The following TNFAIP8 variants were observed in gnomAD, a reference collection of about 807,000 sequenced individuals.
TNFAIP8 encodes tumor necrosis factor alpha-induced protein 8.
TNFAIP8 carries 7 observed loss-of-function variants against 13.3 expected under a neutral mutation model. The observed-to-expected ratio is 0.52, with a 90% confidence interval of 0.30 to 0.99. The LOEUF is 0.99. Among genes scored for constraint, TNFAIP8 ranks in the 50% least tolerant of loss-of-function variants. The pLI, the probability that TNFAIP8 is intolerant of heterozygous loss-of-function variation, is 0.07. For synonymous variants in TNFAIP8, 94 were observed against 87.6 expected (o/e 1.07, Z -0.41); for missense variants, 258 against 236.9 (o/e 1.09, Z -0.58).
chr5:119,315,052 T>TG (rs1749845603), intron 1 of TNFAIP8, among the ~76,000 whole-genome samples: 1 of 151,736 alleles, frequency 6.6e-6, no homozygotes, highest in East Asian at 1.9e-4. Context: ...CGGCTAATTT[T>TG]TGTGTGTGTG....
At chr5:119,280,245 C>T (rs1748586365) in intron 1 of TNFAIP8, among the ~76,000 whole-genome samples, 1 of 151,752 alleles carries the variant, frequency 6.6e-6, no homozygotes, top group Non-Finnish European at 1.5e-5. Context: ...GCCATCCTGA[C>T]TTTATAGTAA....
intron 1 of TNFAIP8, among the ~76,000 whole-genome samples, chr5:119,356,777 AG>A (rs145187248): frequency 0.16 from 24,629 of 152,020 alleles, 2,605 homozygotes; most frequent in Non-Finnish European, 0.22. Flanking sequence ...AACAGGTGAC[AG>A]GGCTGGAAAA....
At chr5:119,334,596 A>G (rs897999055) in intron 1 of TNFAIP8, among the ~76,000 whole-genome samples, 1 of 149,374 alleles carries the variant, frequency 6.7e-6, no homozygotes, top group Non-Finnish European at 1.5e-5. Context: ...CGTCTACTAG[A>G]TGCCTAGAGC....
At chr5:119,315,738 T>C (rs1420465032) in intron 1 of TNFAIP8, among the ~76,000 whole-genome samples, 1 of 152,198 alleles carries the variant, frequency 6.6e-6, no homozygotes, top group Non-Finnish European at 1.5e-5. Flanking sequence ...CAAGCTTTGC[T>C]GTCAGCTCCT....
At chr5:119,364,921 G>C (rs1219552788) in intron 1 of TNFAIP8, among the ~76,000 whole-genome samples, 5 of 134,262 alleles carry the variant, frequency 3.7e-5, no homozygotes, top group African/African-American at 1.4e-4. Context: ...GCGCCATCTT[G>C]GCTCACTGCA....
chr5:119,389,932 C>G (rs1281934593), intron 1 of TNFAIP8, among the ~76,000 whole-genome samples: 1 of 152,194 alleles, frequency 6.6e-6, no homozygotes, highest in Non-Finnish European at 1.5e-5. Context: ...GTAGATTTGC[C>G]TGTTACACAC....
chr5:119,288,521 A>G (rs1561984137), intron 1 of TNFAIP8, among the ~76,000 whole-genome samples: 1 of 152,254 alleles, frequency 6.6e-6, no homozygotes, highest in Non-Finnish European at 1.5e-5. Context: ...AATTAAATAC[A>G]CATCTTTAAG....
At chr5:119,387,878 A>G (rs1361275947) in intron 1 of TNFAIP8, among the ~76,000 whole-genome samples, 4 of 151,604 alleles carry the variant, frequency 2.6e-5, no homozygotes, top group African/African-American at 9.7e-5. Context: ...AATGCTTTGT[A>G]TTTTTTTTTA....
intron 1 of TNFAIP8, among the ~76,000 whole-genome samples, chr5:119,372,922 C>G (rs1261889043): frequency 1.3e-5 from 2 of 152,146 alleles, no homozygotes; most frequent in African/African-American, 2.4e-5. Context: ...GATGGCGCCA[C>G]TTCACTCCAG....
chr5:119,352,442 T>C (rs907056774), upstream of TNFAIP8, among the ~76,000 whole-genome samples: 2 of 152,216 alleles, frequency 1.3e-5, no homozygotes, highest in African/African-American at 2.4e-5. Context: ...ATGACCATTT[T>C]TGGTGACCTG....
intron 1 of TNFAIP8, among the ~76,000 whole-genome samples, chr5:119,367,585 G>C (rs896390371): frequency 2.0e-5 from 3 of 152,118 alleles, no homozygotes; most frequent in African/African-American, 7.2e-5. Context: ...CAGTTAGCCA[G>C]ATTTTTAAAA....
At chr5:119,322,853 C>CT (rs1171188529) in intron 1 of TNFAIP8, among the ~76,000 whole-genome samples, 1 of 152,208 alleles carries the variant, frequency 6.6e-6, no homozygotes, top group Non-Finnish European at 1.5e-5. Context: ...AAGCTCTTGT[C>CT]TAAGTTCTAG....
At chr5:119,291,003 C>T (rs1748968357) in intron 1 of TNFAIP8, among the ~76,000 whole-genome samples, 1 of 152,130 alleles carries the variant, frequency 6.6e-6, no homozygotes, top group African/African-American at 2.4e-5. Context: ...GGTTTTTGAG[C>T]AGGCAACTGA....
chr5:119,294,404 C>T (rs1269769152), intron 1 of TNFAIP8, among the ~76,000 whole-genome samples: 1 of 152,140 alleles, frequency 6.6e-6, no homozygotes, highest in African/African-American at 2.4e-5. Flanking sequence ...GCATAGTATT[C>T]CCTGGTGTAT....
intron 1 of TNFAIP8, among the ~76,000 whole-genome samples, chr5:119,391,688 G>A (rs998590292): frequency 6.6e-6 from 1 of 151,608 alleles, no homozygotes; most frequent in Admixed American, 6.6e-5. Flanking sequence ...GAACCCGGGA[G>A]GTGGAGGTTG....
At chr5:119,334,139 C>CAAA (rs57346323) in intron 1 of TNFAIP8, among the ~76,000 whole-genome samples, 123 of 104,428 alleles carry the variant, frequency 1.2e-3, no homozygotes, top group African/African-American at 3.4e-3. Flanking sequence ...CTCTAACAAC[C>CAAA]AAAAAAAAAA....
At chr5:119,364,995 G>A (rs1751790189) in intron 1 of TNFAIP8, among the ~76,000 whole-genome samples, 1 of 151,698 alleles carries the variant, frequency 6.6e-6, no homozygotes, top group Admixed American at 6.6e-5. Flanking sequence ...GGGATTACAG[G>A]CGTTCACCAC....
At chr5:119,292,656 A>ATTG (rs1404810555) in intron 1 of TNFAIP8, among the ~76,000 whole-genome samples, 1 of 25,410 alleles carries the variant, frequency 3.9e-5, no homozygotes, top group African/African-American at 1.6e-4. Flanking sequence ...ATATATATAT[A>ATTG]TATATATATA....
intron 1 of TNFAIP8, among the ~76,000 whole-genome samples, chr5:119,280,284 A>G (rs1239325429): frequency 1.3e-5 from 2 of 151,664 alleles, no homozygotes; most frequent in Non-Finnish European, 2.9e-5. Context: ...TTATGGTTTT[A>G]TTACCCAAAT....
Sources: gnomAD v4.1 joint callset for allele counts (sites outside exome capture counted in the v4.1 genomes callset) on GRCh38, gnomAD v4.1.1 for gene constraint, MANE v1.5 for transcripts, NCBI Gene and HGNC (gene_info 2026-07-23, HGNC 2026-07-21) for gene names.